Variants in IGFBP2 observed in about 807,000 individuals in gnomAD.
IGFBP2 encodes the protein insulin-like growth factor-binding protein 2.
A neutral mutation model predicts 26.2 loss-of-function variants in IGFBP2; 12 were observed. The observed-to-expected ratio is 0.46, with a 90% confidence interval of 0.29 to 0.74. IGFBP2 has a LOEUF of 0.74. Among genes scored for constraint, IGFBP2 ranks in the 30% least tolerant of loss-of-function variants. IGFBP2 has a pLI of 0.09. For synonymous variants in IGFBP2, 189 were observed against 200.6 expected (o/e 0.94, Z 0.49); for missense variants, 328 against 441.2 (o/e 0.74, Z 2.30).
chr2:216,658,092 C>T (rs1392149187), intron 1 of IGFBP2, among the ~76,000 whole-genome samples: 7 of 152,166 alleles, frequency 4.6e-5, no homozygotes, highest in African/African-American at 1.7e-4. Flanking sequence ...TTGCCACACA[C>T]AAAATGTACC....
In IGFBP2 at chr2:216,633,729, G is replaced by C. The variant is rs1423937706; in HGVS notation, c.206G>C (p.Gly69Ala). ...CCCGCCGCGGTGGCCGCAGTGGCCGGAGGCGCCCGCATGCCATGCGCGGAG... is the reference window on the plus strand; with the variant it reads ...CCCGCCGCGGTGGCCGCAGTGGCCGCAGGCGCCCGCATGCCATGCGCGGAG... ...APPAAVAAVA[G>A]GARMPCAELV... The change falls in exon 1 of 4, where the codon GGA (glycine) becomes GCA (alanine). Residue 69 changes from glycine to alanine, a missense_variant. By Grantham distance (60) the Gly-to-Ala change is moderately conservative (BLOSUM62 0). Transcript: ENST00000233809. The C allele has an allele frequency of 8.0e-7, 1 of 1,248,188 alleles. No individual in the cohort carries two copies. Among genetic ancestry groups the C allele is most frequent in the East Asian group, 3.2e-5 (1 of 30,932 alleles). The allele number at this position is 1,248,188 out of a possible 1,614,324, so 77.3% of individuals were successfully genotyped here.
rs967853728 is a variant in IGFBP2 at position 216,644,307 on chromosome 2, A to G, written c.442+10342A>G. On this transcript the variant is annotated intron_variant, in intron 1 of 3. Transcript: ENST00000233809. ...GGGGAGAAGGGGGCAGGGGCTGGCA[A>G]ACACCCAGCTGCTGGGCAGTGGAAT... 2.6e-5 allele frequency among the ~76,000 whole-genome samples: 4 copies of G among 152,232 alleles called. No individual in the cohort carries two copies. In the South Asian group the frequency reaches 8.3e-4, roughly 32 times the overall value.
chr2:216,643,895 C>A (rs1003248632), intron 1 of IGFBP2, among the ~76,000 whole-genome samples: 1 of 152,046 alleles, frequency 6.6e-6, no homozygotes, highest in South Asian at 2.1e-4. Context: ...CCTGCTCCCA[C>A]CCTCCACACT....
At chr2:216,655,617 A>G (rs1697904918) in intron 1 of IGFBP2, among the ~76,000 whole-genome samples, 1 of 152,178 alleles carries the variant, frequency 6.6e-6, no homozygotes, top group African/African-American at 2.4e-5. Context: ...GGACTAATAC[A>G]GTCAGGCGTG....
At chr2:216,660,821 A>G in intron 2 of IGFBP2, 35 bp downstream of exon 2, 1 of 1,515,754 alleles carries the variant, frequency 6.6e-7, no homozygotes, top group Non-Finnish European at 8.9e-7. Context: ...AAGGGGTGGG[A>G]GGACAAGGAA....
In IGFBP2 at chr2:216,661,760, C is replaced by T. The variant is rs564691696; in HGVS notation, c.673-98C>T. On this transcript the variant is annotated intron_variant, in intron 2 of 3. Transcript: ENST00000233809. Reference sequence around the variant, plus strand: ...GGCTGTGTGACCATGGGAAAGTCCCCTCCCTGTGCAGCAGCTTCTCGCTGA... The same window carrying T: ...GGCTGTGTGACCATGGGAAAGTCCCTTCCCTGTGCAGCAGCTTCTCGCTGA... The T allele has an allele frequency of 4.1e-5, 57 of 1,406,270 alleles. No homozygotes were observed. The African/African-American group carries it at 7.6e-4, about 19-fold the overall frequency. The allele number at this position is 1,406,270 out of a possible 1,614,324, so 87.1% of individuals were successfully genotyped here. A position where few individuals can be genotyped will look rare whatever the true frequency, so the allele number is the denominator to read the frequency against.
rs371560018 is a variant in IGFBP2, at chr2:216,634,906, T to TTTTTTTTTTTTTTTTTTTTA, written c.442+941_442+942insTTTTTTTTTTTTTTTTTTTA. On this transcript the variant is annotated intron_variant, in intron 1 of 3. Coordinates refer to ENST00000233809, the MANE Select transcript of IGFBP2 (RefSeq NM_000597.3). ...TAAGGAGGTTACTTTTTTTTTTTTT[T>TTTTTTTTTTTTTTTTTTTTA]AATTACGAAAGCCTCCTGCCCCAGT... 1.0e-4 allele frequency among the ~76,000 whole-genome samples: 13 copies of TTTTTTTTTTTTTTTTTTTTA among 128,518 alleles called. 1 individual carries two copies. Among genetic ancestry groups the TTTTTTTTTTTTTTTTTTTTA allele is most frequent in the African/African-American group, 2.5e-4 (9 of 35,412 alleles). The allele number at this position is 128,518 out of a possible 152,430, so 84.3% of individuals were successfully genotyped here. A position where few individuals can be genotyped will look rare whatever the true frequency, so the allele number is the denominator to read the frequency against.
rs536267390 is a variant in IGFBP2, at chr2:216,643,579, A to G, written c.442+9614A>G. ...GGTCATGTTAGACCAGGGGTGTCCA[A>G]TCTTTTGGCTTCCCTGGGCCACTTG... On this transcript the variant is annotated intron_variant, in intron 1 of 3. Coordinates refer to ENST00000233809, the MANE Select transcript of IGFBP2 (RefSeq NM_000597.3). Among the ~76,000 whole-genome samples the G allele has an allele frequency of 7.1e-4, 108 of 152,260 alleles. 1 individual carries two copies. Among genetic ancestry groups the G allele is most frequent in the African/African-American group, 2.5e-3 (103 of 41,542 alleles).
chr2:216,647,068 A>T (rs996596336), intron 1 of IGFBP2, among the ~76,000 whole-genome samples: 1 of 152,256 alleles, frequency 6.6e-6, no homozygotes, highest in African/African-American at 2.4e-5. Flanking sequence ...AGAGATGTAT[A>T]TACATCCTAT....
At position 216,664,253 on chromosome 2, in the gene IGFBP2, G is replaced by A. The variant is rs1037064406; in HGVS notation, c.*149G>A. ...TTGGAAAGAGACCAGCACCGAGCTCGGCACCTCCCCGGCCTCTCTCTTCCC... is the reference window on the plus strand; with the variant it reads ...TTGGAAAGAGACCAGCACCGAGCTCAGCACCTCCCCGGCCTCTCTCTTCCC... On this transcript the variant is annotated 3_prime_UTR_variant, in exon 4 of 4. Coordinates refer to ENST00000233809, the MANE Select transcript of IGFBP2 (RefSeq NM_000597.3). This position sits in a 1 kb window ranked among gnomAD's most constrained non-coding sequence, Gnocchi z 4.6. The A allele has an allele frequency of 3.0e-5, 17 of 574,410 alleles. No homozygotes were observed. The highest frequency in any genetic ancestry group is 2.4e-4 in the South Asian group (7 of 29,452). The allele number at this position is 574,410 out of a possible 1,614,324, so 35.6% of individuals were successfully genotyped here. A position where few individuals can be genotyped will look rare whatever the true frequency, so the allele number is the denominator to read the frequency against.
upstream of IGFBP2, chr2:216,633,111 G>C (rs962261924): frequency 1.3e-5 from 2 of 152,324 alleles, no homozygotes; most frequent in Non-Finnish European, 2.9e-5. Flanking sequence ...GAACTGAACT[G>C]AGAGCAGACA....
At chr2:216,634,907 A>T (rs865791073) in intron 1 of IGFBP2, among the ~76,000 whole-genome samples, 2 of 2,790 alleles carry the variant, frequency 7.2e-4, no homozygotes, top group Non-Finnish European at 2.0e-3. Context: ...TTTTTTTTTT[A>T]ATTACGAAAG....
rs762848041 is a variant in IGFBP2, at chr2:216,633,950, C to T, written c.427C>T (p.Pro143Ser). The change falls in exon 1 of 4, where the codon CCG becomes TCG. Residue 143 changes from proline (P) to serine (S), a missense_variant. By Grantham distance (74) the Pro-to-Ser change is moderately conservative. Transcript: ENST00000233809. ...KRRDAEYGAS[P>S]EQVADNGDDH... ...CCGGGACGCCGAGTATGGCGCCAGC[C>T]CGGAGCAGGTTGCAGGTAACGCGGT... 3 of 1,601,994 alleles carry T rather than the reference C, an allele frequency of 1.9e-6. No homozygotes were observed. Among genetic ancestry groups the T allele is most frequent in the Non-Finnish European group, 2.6e-6 (3 of 1,175,480 alleles).
intron 1 of IGFBP2, among the ~76,000 whole-genome samples, chr2:216,638,113 G>A (rs550092759): frequency 4.6e-4 from 70 of 152,064 alleles, no homozygotes; most frequent in Non-Finnish European, 9.4e-4. Context: ...GCTTGAACCC[G>A]GGAGGTGGAG....
Position 216,647,170 on chromosome 2 carries a change from A to G in IGFBP2, c.442+13205A>G, listed in dbSNP as rs188825858. 1.8e-3 allele frequency among the ~76,000 whole-genome samples: 280 copies of G among 152,322 alleles called. 1 individual carries two copies. The highest frequency in any genetic ancestry group is 6.5e-3 in the African/African-American group (271 of 41,566). ...TTAAATAATGAAGTCCCTTCATGGT[A>G]AATAAAGTTATGAAAGTAAGAGAAT... is the stretch of plus-strand genomic sequence containing the variant. On this transcript the variant is annotated intron_variant, in intron 1 of 3. Coordinates refer to ENST00000233809, the MANE Select transcript of IGFBP2 (RefSeq NM_000597.3).
chr2:216,648,185 G>A (rs899046886), intron 1 of IGFBP2, among the ~76,000 whole-genome samples: 11 of 152,242 alleles, frequency 7.2e-5, no homozygotes, highest in South Asian at 4.2e-4. Context: ...GAGACAGAAC[G>A]GCTCCTTCCC....
At chr2:216,635,043 TAAAAAG>T (rs1697468458) in intron 1 of IGFBP2, among the ~76,000 whole-genome samples, 1 of 151,618 alleles carries the variant, frequency 6.6e-6, no homozygotes, top group African/African-American at 2.4e-5. Flanking sequence ...TTCTCAAACT[TAAAAAG>T]AAAAAGTGAA....
chr2:216,649,057 T>TA (rs1697769189), intron 1 of IGFBP2, among the ~76,000 whole-genome samples: 1 of 152,264 alleles, frequency 6.6e-6, no homozygotes, highest in African/African-American at 2.4e-5. Flanking sequence ...CTTTCTTAGC[T>TA]AAGCAGACTT....
At position 216,633,960 on chromosome 2, in the gene IGFBP2, T is replaced by C. The variant is rs756795557; in HGVS notation, c.437T>C (p.Val146Ala). The C allele has an allele frequency of 6.3e-7, 1 of 1,599,778 alleles. No homozygotes were observed. Among genetic ancestry groups the C allele is most frequent in the Admixed American group, 1.7e-5 (1 of 58,900 alleles). ...GAGTATGGCGCCAGCCCGGAGCAGG[T>C]TGCAGGTAACGCGGTCTGGAACAAG... ...DAEYGASPEQ[V>A]ADNGDDHSEG... is the part of the protein sequence containing the mutation. The change falls in exon 1 of 4, where the codon GTT (valine) becomes GCT (alanine). Residue 146 changes from valine (V) to alanine (A), a missense_variant. Val to Ala is a moderately conservative substitution (Grantham distance 64). Transcript: ENST00000233809.
Sources: allele counts gnomAD v4.1 joint callset (sites outside exome capture counted in the v4.1 genomes callset), GRCh38; gene constraint gnomAD v4.1.1; non-coding constraint Gnocchi (gnomAD v3.1); transcripts MANE v1.5; gene names NCBI Gene and HGNC (gene_info 2026-07-23, HGNC 2026-07-21).